The following EYS variants were observed in gnomAD, a reference collection of about 807,000 sequenced individuals.
EYS encodes the protein EGF-like photoreceptor maintenance factor, also known as protein eyes shut homolog.
A neutral mutation model predicts 282.1 loss-of-function variants in EYS; 250 were observed. That is an observed-to-expected ratio of 0.89 (90% confidence interval 0.80 to 0.98). The LOEUF (loss-of-function observed/expected upper bound fraction) is 0.98, where lower values mean the gene tolerates loss of function less well. Ranked by LOEUF, EYS falls within the 50% of genes least tolerant of loss-of-function variation. The pLI, the probability that EYS is intolerant of heterozygous loss-of-function variation, is 0.00. For synonymous variants in EYS, 1,355 were observed against 1,282.9 expected, an observed-to-expected ratio of 1.06 and a Z score of -1.20; for missense variants, 4,016 against 3,709.0, an observed-to-expected ratio of 1.08 and a Z score of -2.15.
At chr6:65,593,454 C>T (rs1025947641) in intron 2 of EYS, among the ~76,000 whole-genome samples, 1 of 152,116 alleles carries the variant, frequency 6.6e-6, no homozygotes, top group South Asian at 2.1e-4. Flanking sequence ...GCTTTTAATA[C>T]CACTACATAT....
At chr6:65,199,341 C>T (rs1464013506) in intron 12 of EYS, among the ~76,000 whole-genome samples, 2 of 152,102 alleles carry the variant, frequency 1.3e-5, no homozygotes, top group African/African-American at 2.4e-5. Context: ...ATTGGCCATT[C>T]TCCAATGACC....
intron 31 of EYS, among the ~76,000 whole-genome samples, chr6:64,163,624 G>T (rs1306003959): frequency 6.6e-6 from 1 of 152,110 alleles, no homozygotes; most frequent in African/African-American, 2.4e-5. Context: ...AGAATGTCAT[G>T]CATAAATGGG....
chr6:65,078,398 A>G (rs1053126519), intron 12 of EYS, among the ~76,000 whole-genome samples: 1 of 152,114 alleles, frequency 6.6e-6, no homozygotes, highest in African/African-American at 2.4e-5. Flanking sequence ...GAAGTTTTAG[A>G]ACACAATAGC....
intron 33 of EYS, among the ~76,000 whole-genome samples, chr6:64,019,662 G>T (rs1769082139): frequency 6.6e-6 from 1 of 151,846 alleles, no homozygotes; most frequent in Non-Finnish European, 1.5e-5. Flanking sequence ...GCCCGCCTCG[G>T]CCTCTCAAAG....
intron 7 of EYS, among the ~76,000 whole-genome samples, chr6:65,390,279 G>A (rs943082547): frequency 1.3e-5 from 2 of 150,798 alleles, no homozygotes; most frequent in African/African-American, 4.9e-5. Context: ...ATAAAGAAAA[G>A]GTCAGCAAAC....
chr6:64,319,214 GAAATAGTC>G (rs927447122), intron 29 of EYS, among the ~76,000 whole-genome samples: 67 of 152,014 alleles, frequency 4.4e-4, no homozygotes, highest in African/African-American at 1.6e-3. Flanking sequence ...AATCAATTAA[GAAATAGTC>G]AATTGGTATT....
At chr6:65,627,528 G>T (rs573247263) in intron 2 of EYS, among the ~76,000 whole-genome samples, 1 of 152,154 alleles carries the variant, frequency 6.6e-6, no homozygotes, top group East Asian at 1.9e-4. Flanking sequence ...GGTGTGGAGG[G>T]AGAGGTGCGA....
chr6:64,012,995 T>C (rs1768715209), intron 33 of EYS, among the ~76,000 whole-genome samples: 2 of 152,196 alleles, frequency 1.3e-5, no homozygotes, highest in South Asian at 4.1e-4. Context: ...GATAGTCATG[T>C]GGCGGTCACT....
At chr6:64,960,092 G>C (rs1238074204) in intron 14 of EYS, among the ~76,000 whole-genome samples, 3 of 151,688 alleles carry the variant, frequency 2.0e-5, no homozygotes, top group Non-Finnish European at 2.9e-5. Context: ...GTAATTTTCA[G>C]GTATAGAAAA....
chr6:64,794,682 A>C (rs971524345), intron 22 of EYS, among the ~76,000 whole-genome samples: 2 of 152,216 alleles, frequency 1.3e-5, no homozygotes, highest in Non-Finnish European at 2.9e-5. Context: ...TGAATTTAAA[A>C]ATGTGGCATA....
intron 19 of EYS, among the ~76,000 whole-genome samples, chr6:64,859,603 AGATCT>A (rs1766170290): frequency 6.6e-6 from 1 of 152,154 alleles, no homozygotes; most frequent in South Asian, 2.1e-4. Flanking sequence ...AAGTTTCACA[AGATCT>A]GATCATTTTA....
At chr6:65,477,788 A>G (rs1468783245) in intron 5 of EYS, among the ~76,000 whole-genome samples, 1 of 152,180 alleles carries the variant, frequency 6.6e-6, no homozygotes, top group African/African-American at 2.4e-5. Context: ...TTTTTAAGAA[A>G]TGATATATTT....
intron 29 of EYS, among the ~76,000 whole-genome samples, chr6:64,309,747 A>G (rs971178067): frequency 6.6e-6 from 1 of 152,046 alleles, no homozygotes; most frequent in Non-Finnish European, 1.5e-5. Flanking sequence ...CACGTGGATC[A>G]TGAGGTCAAG....
intron 26 of EYS, among the ~76,000 whole-genome samples, chr6:64,463,453 G>A (rs1023601397): frequency 6.6e-6 from 1 of 152,166 alleles, no homozygotes; most frequent in African/African-American, 2.4e-5. Context: ...TATTAGTTAA[G>A]CCTTTGCTGC....
intron 15 of EYS, among the ~76,000 whole-genome samples, chr6:64,930,549 A>G (rs898775474): frequency 6.6e-6 from 1 of 151,958 alleles, no homozygotes; most frequent in Non-Finnish European, 1.5e-5. Flanking sequence ...TAAGATATAC[A>G]TAAATAATCA....
At chr6:63,837,367 C>T (rs1771836558) in intron 36 of EYS, among the ~76,000 whole-genome samples, 1 of 151,848 alleles carries the variant, frequency 6.6e-6, no homozygotes, top group South Asian at 2.1e-4. Context: ...CTTAGTGAAT[C>T]ATCTAAAATG....
At chr6:65,053,923 G>T (rs552626272) in intron 13 of EYS, among the ~76,000 whole-genome samples, 11 of 151,936 alleles carry the variant, frequency 7.2e-5, no homozygotes, top group Non-Finnish European at 1.3e-4. Flanking sequence ...GAGTTACATT[G>T]TTTATGTGTA....
At chr6:64,813,818 T>A (rs566005672) in intron 21 of EYS, among the ~76,000 whole-genome samples, 3 of 152,044 alleles carry the variant, frequency 2.0e-5, no homozygotes, top group Admixed American at 2.0e-4. Flanking sequence ...TTATTAATCT[T>A]TATAAAAAGA....
intron 37 of EYS, among the ~76,000 whole-genome samples, chr6:63,798,358 A>G (rs1770696571): frequency 6.6e-6 from 1 of 152,224 alleles, no homozygotes; most frequent in South Asian, 2.1e-4. Flanking sequence ...AGTACAGGAT[A>G]TTTGATTCCA....
Sources: gnomAD v4.1 joint callset for allele counts (sites outside exome capture counted in the v4.1 genomes callset) on GRCh38, gnomAD v4.1.1 for gene constraint, MANE v1.5 for transcripts, NCBI Gene and HGNC (gene_info 2026-07-23, HGNC 2026-07-21) for gene names.